Variants in COL9A3 observed in about 807,000 individuals in gnomAD.
The protein encoded by COL9A3 is collagen alpha-3(IX) chain.
A neutral mutation model predicts 110.2 loss-of-function variants in COL9A3; 82 were observed. The ratio of observed to expected loss-of-function variants is 0.74; its 90% CI spans 0.62 to 0.89. The LOEUF is 0.89. Among genes scored for constraint, COL9A3 ranks in the 40% least tolerant of loss-of-function variants. The pLI, the probability that COL9A3 is intolerant of heterozygous loss-of-function variation, is 0.00. For synonymous variants in COL9A3, 494 were observed against 403.8 expected, an observed-to-expected ratio of 1.22 and a Z score of -2.68; for missense variants, 1,066 against 981.3, an observed-to-expected ratio of 1.09 and a Z score of -1.15.
At position 62,826,759 on chromosome 20, in the gene COL9A3, C is replaced by T. The variant is rs372090537; in HGVS notation, c.739-8C>T. On this transcript the variant is annotated splice_polypyrimidine_tract_variant and splice_region_variant and intron_variant, in intron 14 of 31. Coordinates refer to ENST00000649368, the MANE Select transcript of COL9A3 (RefSeq NM_001853.4). ...AAGAGGACCCCGGATCCCCTCTCTC[C>T]TCTGCAGGGTCCCATTGGGTTCCGA... 162 of 1,612,646 alleles carry T rather than the reference C, an allele frequency of 1.0e-4. No homozygotes were observed. The African/African-American group carries it at 2.0e-3, about 20-fold the overall frequency.
chr20:62,839,689 G>A (rs28396680), intron 31 of COL9A3, among the ~76,000 whole-genome samples: 3 of 105,894 alleles, frequency 2.8e-5, no homozygotes, highest in East Asian at 6.2e-4. Context: ...CTCTCCCTGG[G>A]TGCCCTGGAG....
intron 27 of COL9A3, 104 bp downstream of exon 27, chr20:62,836,057 C>T (rs923380876): frequency 1.1e-4 from 169 of 1,605,816 alleles, no homozygotes; most frequent in Admixed American, 3.9e-4. Context: ...TGCCCAGATC[C>T]GAGATGTAAA....
chr20:62,834,589 CTT>C (rs1304158236), intron 26 of COL9A3, among the ~76,000 whole-genome samples: 1 of 152,186 alleles, frequency 6.6e-6, no homozygotes, highest in African/African-American at 2.4e-5. Context: ...CCAGTGTAAA[CTT>C]TTTATGCCTG....
At chr20:62,819,126 G>A in intron 3 of COL9A3, 96 bp from the exon 4 acceptor site, 1 of 1,241,586 alleles carries the variant, frequency 8.1e-7, no homozygotes, top group Non-Finnish European at 1.2e-6. Flanking sequence ...GTATGGTTGG[G>A]CTGGGGGGAA....
At chr20:62,829,407 G>T (rs540322106) in intron 19 of COL9A3, 48 bp from the exon 20 acceptor site, 7 of 1,611,062 alleles carry the variant, frequency 4.3e-6, no homozygotes, top group African/African-American at 2.7e-5. Flanking sequence ...TGCTGCTGCC[G>T]GCGTGCAATG....
At chr20:62,818,344 C>G (rs185697354) in intron 2 of COL9A3, among the ~76,000 whole-genome samples, 174 bp from the exon 3 acceptor site, 8 of 152,350 alleles carry the variant, frequency 5.3e-5, no homozygotes, top group Non-Finnish European at 1.2e-4. Flanking sequence ...CAGTGCTGCC[C>G]CACACATGGG....
At chr20:62,834,280 G>T (rs2147224039) in intron 26 of COL9A3, among the ~76,000 whole-genome samples, 1 of 152,380 alleles carries the variant, frequency 6.6e-6, no homozygotes, top group Admixed American at 6.5e-5. Context: ...AAAGTGCTGG[G>T]ATTACAGGCG....
chr20:62,834,563 G>A (rs2063620728), intron 26 of COL9A3, among the ~76,000 whole-genome samples: 1 of 152,200 alleles, frequency 6.6e-6, no homozygotes, highest in African/African-American at 2.4e-5. Flanking sequence ...CCCAGTCTCT[G>A]GCAGACCCCC....
intron 25 of COL9A3, chr20:62,832,817 GT>G: frequency 2.1e-5 from 9 of 431,836 alleles, no homozygotes; most frequent in East Asian, 8.7e-5. Flanking sequence ...AATGTCTTCC[GT>G]TTTTTGGCCC....
At chr20:62,840,007 G>T (rs1161753335) in intron 31 of COL9A3, among the ~76,000 whole-genome samples, 1 of 152,170 alleles carries the variant, frequency 6.6e-6, no homozygotes, top group Non-Finnish European at 1.5e-5. Flanking sequence ...AACAGCATCT[G>T]TGTTGCACTT....
At chr20:62,840,430 C>T in intron 31 of COL9A3, 112 bp from the exon 32 acceptor site, 2 of 1,043,308 alleles carry the variant, frequency 1.9e-6, no homozygotes, top group South Asian at 1.3e-5. Context: ...TGGCCTCTCC[C>T]CAAGTGAAGA....
At position 62,817,799 on chromosome 20, in the gene COL9A3, G is replaced by T. The variant is rs1173053633; in HGVS notation, c.147+164G>T. On this transcript the variant is annotated intron_variant, in intron 2 of 31. Coordinates refer to ENST00000649368, the MANE Select transcript of COL9A3 (RefSeq NM_001853.4). The stretch of plus-strand genomic sequence containing the variant: ...GCCTTCACGGGATGGGGGTGGCCCT[G>T]CGGGGACTGCTGGTGGGTAGGGGTG... 3 of 656,244 alleles carry T rather than the reference G, an allele frequency of 4.6e-6. No individual in the cohort carries two copies. The South Asian group carries it at 5.1e-5, about 11-fold the overall frequency. 40.7% of individuals were successfully genotyped at this position (656,244 alleles called of 1,614,324 possible). A position where few individuals can be genotyped will look rare whatever the true frequency, so the allele number is the denominator to read the frequency against.
In COL9A3 at chr20:62,821,215, G is replaced by T. The variant is rs1388076283; in HGVS notation, c.344G>T (p.Gly115Val). The change falls in exon 6 of 32, where the codon GGG (glycine) becomes GTG (valine). Residue 115 changes from glycine (G) to valine (V), a missense_variant and splice_region_variant. Transcript: ENST00000649368. ...SLGPPGPPGL[G>V]GKGLPGPPGE... ...GGACCCCCGGGGCCGCCCGGGCTGG[G>T]GGTGAGTATGGAGTGTGGTCCTCTC... The T allele has an allele frequency of 6.2e-7, 1 of 1,613,272 alleles. No homozygotes were observed. Among genetic ancestry groups the T allele is most frequent in the Admixed American group, 1.7e-5 (1 of 59,990 alleles).
intron 1 of COL9A3, 150 bp from the exon 2 acceptor site, chr20:62,817,417 G>C (rs1379483834): frequency 1.7e-6 from 1 of 602,350 alleles, no homozygotes; most frequent in African/African-American, 2.0e-5. Context: ...CACTGCGCGG[G>C]GGCGCCGGGC....
At position 62,836,658 on chromosome 20, in the gene COL9A3, C is replaced by T. The variant is rs530400294; in HGVS notation, c.1603+126C>T. 863 of 1,037,180 alleles carry T rather than the reference C, an allele frequency of 8.3e-4. 5 individuals are homozygous for T. In the African/African-American group the frequency reaches 9.8e-3, roughly 12 times the overall value. 64.2% of individuals were successfully genotyped at this position (1,037,180 alleles called of 1,614,324 possible). On this transcript the variant is annotated intron_variant, in intron 29 of 31. Transcript: ENST00000649368. The stretch of plus-strand genomic sequence containing the variant: ...CAAAGTGAGCCCCTAGCACTCACCC[C>T]GCCTGTTAGCCCTTGGGGGTCCACG...
At chr20:62,819,333 G>T in intron 4 of COL9A3, 40 bp downstream of exon 4, 1 of 1,572,202 alleles carries the variant, frequency 6.4e-7, no homozygotes, top group Non-Finnish European at 8.7e-7. Context: ...CCCACTCCCC[G>T]CTCCGGGTCC....
At chr20:62,822,361 GTCCCCATGGCCA>G (rs1291343095) in intron 9 of COL9A3, among the ~76,000 whole-genome samples, 197 bp downstream of exon 9, 2 of 152,308 alleles carry the variant, frequency 1.3e-5, no homozygotes, top group African/African-American at 4.8e-5. Flanking sequence ...CAGGACTCAG[GTCCCCATGGCCA>G]TCCTGCCCCA....
chr20:62,822,716 C>G, intron 10 of COL9A3, 84 bp downstream of exon 10: 1 of 1,460,600 alleles, frequency 6.8e-7, no homozygotes, highest in South Asian at 1.1e-5. Flanking sequence ...GGGGCTTGTC[C>G]ATACTGGCAA....
At chr20:62,818,468 T>A in intron 2 of COL9A3, 50 bp from the exon 3 acceptor site, 1 of 1,577,222 alleles carries the variant, frequency 6.3e-7, no homozygotes, top group East Asian at 2.2e-5. Context: ...GGCGGGGTTC[T>A]TGAGGGACCC....
Sources: gnomAD v4.1 joint callset for allele counts (sites outside exome capture counted in the v4.1 genomes callset) on GRCh38, gnomAD v4.1.1 for gene constraint, MANE v1.5 for transcripts, NCBI Gene and HGNC (gene_info 2026-07-23, HGNC 2026-07-21) for gene names.